LRRC28: variants seen among roughly 807,000 people sequenced by gnomAD.
The protein encoded by LRRC28 is leucine-rich repeat-containing protein 28.
LRRC28 carries 39 observed loss-of-function variants against 45.7 expected under a neutral mutation model. The observed-to-expected ratio is 0.85, with a 90% CI of 0.66 to 1.12. LRRC28 has a LOEUF of 1.12. LRRC28 is among the 50% of genes most tolerant of loss of function. The probability of loss-of-function intolerance (pLI) is 0.00; values close to 1 mark genes in which losing one functional copy is unlikely to be tolerated. For missense variants in LRRC28, 435 were observed against 438.5 expected (o/e 0.99, Z 0.07); for synonymous variants, 206 against 178.8 (o/e 1.15, Z -1.22).
At chr15:99,293,047 G>A (rs1226079674) in intron 5 of LRRC28, among the ~76,000 whole-genome samples, 1 of 152,134 alleles carries the variant, frequency 6.6e-6, no homozygotes, top group East Asian at 1.9e-4. Flanking sequence ...GATTACTTGA[G>A]TATGTTTTAG....
intron 5 of LRRC28, among the ~76,000 whole-genome samples, chr15:99,288,773 G>A (rs1204027455): frequency 1.3e-5 from 2 of 151,872 alleles, no homozygotes; most frequent in East Asian, 1.9e-4. Context: ...TCCGCCTCCC[G>A]GGTTCAAGTG....
At chr15:99,269,894 G>A (rs532278127) in intron 2 of LRRC28, among the ~76,000 whole-genome samples, 107 of 152,286 alleles carry the variant, frequency 7.0e-4, no homozygotes, top group African/African-American at 2.4e-3. Flanking sequence ...AGAGACAAAG[G>A]TAATGGTAAC....
At chr15:99,335,531 C>A (rs1956293679) in intron 6 of LRRC28, among the ~76,000 whole-genome samples, 1 of 152,094 alleles carries the variant, frequency 6.6e-6, no homozygotes, top group Admixed American at 6.5e-5. Context: ...GTGATGCATA[C>A]CTGTAGTCCC....
At chr15:99,347,469 A>C (rs1177399936) in intron 6 of LRRC28, among the ~76,000 whole-genome samples, 1 of 152,208 alleles carries the variant, frequency 6.6e-6, no homozygotes, top group Non-Finnish European at 1.5e-5. Flanking sequence ...GGCCTCCCAA[A>C]GTGCTGGGAT....
At chr15:99,305,617 A>G (rs890385305) in intron 5 of LRRC28, among the ~76,000 whole-genome samples, 5 of 152,196 alleles carry the variant, frequency 3.3e-5, no homozygotes, top group Admixed American at 3.3e-4. Flanking sequence ...GGGCTTGTTT[A>G]TTTAAAGAAT....
intron 5 of LRRC28, among the ~76,000 whole-genome samples, chr15:99,310,518 C>T (rs753935601): frequency 6.6e-6 from 1 of 152,154 alleles, no homozygotes; most frequent in Non-Finnish European, 1.5e-5. Context: ...TTATGTTCTA[C>T]TACCCAGTGT....
chr15:99,272,714 T>C (rs1398491430), intron 2 of LRRC28, among the ~76,000 whole-genome samples: 1 of 152,220 alleles, frequency 6.6e-6, no homozygotes, highest in African/African-American at 2.4e-5. Context: ...TAAATGAGAT[T>C]TAATGAAGAG....
chr15:99,378,673 G>C (rs1428409519), intron 9 of LRRC28, among the ~76,000 whole-genome samples: 1 of 152,020 alleles, frequency 6.6e-6, no homozygotes, highest in African/African-American at 2.4e-5. Flanking sequence ...ATTGGCTGTG[G>C]GTTTGTCATA....
At chr15:99,282,579 C>G (rs2081835429) in intron 3 of LRRC28, among the ~76,000 whole-genome samples, 2 of 152,086 alleles carry the variant, frequency 1.3e-5, no homozygotes, top group South Asian at 4.1e-4. Context: ...TATCAGTTGT[C>G]TGATTGTGTT....
rs747700282 is a variant in LRRC28 at position 99,293,593 on chromosome 15, C to CCAAAAAAAAAAAA, written c.385+5642_385+5643insCAAAAAAAAAAAA. Among the ~76,000 whole-genome samples the CCAAAAAAAAAAAA allele has an allele frequency of 2.8e-3, 125 of 44,078 alleles. 8 individuals carry two copies. The highest frequency in any genetic ancestry group is 3.7e-3 in the Non-Finnish European group (84 of 22,732). 28.9% of individuals were successfully genotyped at this position (44,078 alleles called of 152,430 possible). ...GGGCAACAAGAACGAAACTCTGTCA[C>CCAAAAAAAAAAAA]AAAAAAAAAAAAAAAAAAAAAAAAA... On this transcript the variant is annotated intron_variant, in intron 5 of 9. Coordinates refer to ENST00000301981, the MANE Select transcript of LRRC28 (RefSeq NM_144598.5).
At chr15:99,307,910 C>G (rs1050134833) in intron 5 of LRRC28, among the ~76,000 whole-genome samples, 1 of 152,154 alleles carries the variant, frequency 6.6e-6, no homozygotes, top group African/African-American at 2.4e-5. Flanking sequence ...TTTGAGCAGA[C>G]GAGTCCTATG....
In LRRC28 at chr15:99,330,068, A is replaced by G. The variant is rs566740081; in HGVS notation, c.386-3855A>G. On this transcript the variant is annotated intron_variant, in intron 5 of 9. Transcript: ENST00000301981. ...TAAACCCTCTTTATAAAATAAATAC[A>G]TGTCTTTTTTAAAAAAGGAATTTTT... 1.4e-3 allele frequency among the ~76,000 whole-genome samples: 211 copies of G among 152,320 alleles called. 1 individual carries two copies. Among genetic ancestry groups the G allele is most frequent in the Non-Finnish European group, 2.3e-3 (159 of 68,014 alleles).
intron 5 of LRRC28, among the ~76,000 whole-genome samples, chr15:99,297,915 T>C (rs1169567342): frequency 6.6e-6 from 1 of 152,126 alleles, no homozygotes; most frequent in Admixed American, 6.5e-5. Flanking sequence ...AAAAAGGTTT[T>C]GTTTTCTGAA....
chr15:99,385,044 C>G lies in LRRC28; in HGVS notation c.1032-986C>G, dbSNP rs1004704707. Reference sequence around the variant, plus strand: ...GCCCTTACCATGCTTAATCCTTGGGCCTGAAGGGCAAAGGGAGCTCTCTCT... The same window carrying G: ...GCCCTTACCATGCTTAATCCTTGGGGCTGAAGGGCAAAGGGAGCTCTCTCT... On this transcript the variant is annotated intron_variant, in intron 9 of 9. Transcript: ENST00000301981. 4.6e-5 allele frequency among the ~76,000 whole-genome samples: 7 copies of G among 152,130 alleles called. No individual in the cohort carries two copies. The South Asian group carries it at 8.3e-4, about 18-fold the overall frequency.
At chr15:99,292,610 C>T (rs578138458) in intron 5 of LRRC28, among the ~76,000 whole-genome samples, 135 of 151,936 alleles carry the variant, frequency 8.9e-4, no homozygotes, top group East Asian at 2.7e-3. Flanking sequence ...ATGATCCACC[C>T]GCCTCGGCCT....
chr15:99,384,172 G>C (rs1229223368), intron 9 of LRRC28: 1 of 152,180 alleles, frequency 6.6e-6, no homozygotes, highest in Admixed American at 6.5e-5. Context: ...AGTATTGATG[G>C]TGGTGGGTCC....
intron 5 of LRRC28, among the ~76,000 whole-genome samples, chr15:99,312,820 C>T (rs149179350): frequency 5.2e-4 from 79 of 152,134 alleles, no homozygotes; most frequent in African/African-American, 1.7e-3. Flanking sequence ...TTGACCAAAA[C>T]GTAGTTATGT....
At chr15:99,360,211 CT>C (rs1957163703) in intron 7 of LRRC28, among the ~76,000 whole-genome samples, 1 of 152,144 alleles carries the variant, frequency 6.6e-6, no homozygotes, top group Admixed American at 6.5e-5. Flanking sequence ...TAGCCATATT[CT>C]TTCAGGCTTC....
At chr15:99,263,932 G>C (rs2081267265) in intron 2 of LRRC28, among the ~76,000 whole-genome samples, 2 of 152,164 alleles carry the variant, frequency 1.3e-5, no homozygotes, top group South Asian at 4.1e-4. Flanking sequence ...AGACTCAATG[G>C]CATAACGTTC....
Sources: gnomAD v4.1 joint callset for allele counts (sites outside exome capture counted in the v4.1 genomes callset) on GRCh38, gnomAD v4.1.1 for gene constraint, MANE v1.5 for transcripts, NCBI Gene and HGNC (gene_info 2026-07-23, HGNC 2026-07-21) for gene names.